PLSCR2: variants seen among roughly 807,000 people sequenced by gnomAD.
PLSCR2 encodes PL scramblase 2.
A neutral mutation model predicts 25.3 loss-of-function variants in PLSCR2; 18 were observed. The ratio of observed to expected loss-of-function variants is 0.71; its 90% CI spans 0.49 to 1.06. The LOEUF is 1.06. PLSCR2 is among the 50% of genes least tolerant of loss of function. The probability of loss-of-function intolerance (pLI) is 0.00; values close to 1 mark genes in which losing one functional copy is unlikely to be tolerated. For synonymous variants in PLSCR2, 88 were observed against 87.3 expected (o/e 1.01, Z -0.04); for missense variants, 243 against 269.5 (o/e 0.90, Z 0.69).
intron 1 of PLSCR2, among the ~76,000 whole-genome samples, chr3:146,468,399 C>T (rs1244128781): frequency 6.6e-6 from 1 of 152,168 alleles, no homozygotes; most frequent in Non-Finnish European, 1.5e-5. Context: ...GTGTCATAAG[C>T]GGGAAGAAAC....
chr3:146,426,741 C>T (rs997866270), intron 2 of PLSCR2, among the ~76,000 whole-genome samples: 10 of 152,024 alleles, frequency 6.6e-5, no homozygotes, highest in Non-Finnish European at 1.2e-4. Context: ...AAGAACTAAC[C>T]TGAAATCTTT....
intron 2 of PLSCR2, among the ~76,000 whole-genome samples, chr3:146,427,802 A>G (rs943283975): frequency 2.0e-5 from 3 of 152,192 alleles, no homozygotes; most frequent in Non-Finnish European, 4.4e-5. Context: ...GTACTTAAGC[A>G]CCTTGAGGAT....
intron 1 of PLSCR2, among the ~76,000 whole-genome samples, chr3:146,482,084 G>A (rs564981980): frequency 2.8e-4 from 42 of 152,220 alleles, no homozygotes; most frequent in Non-Finnish European, 4.4e-4. Flanking sequence ...ATTCAAGATG[G>A]AATAATGACT....
At chr3:146,494,310 C>T (rs897275724) in intron 1 of PLSCR2, among the ~76,000 whole-genome samples, 1 of 151,996 alleles carries the variant, frequency 6.6e-6, no homozygotes, top group Non-Finnish European at 1.5e-5. Context: ...ATGGTAAGTA[C>T]ATAAATATTT....
rs548173101 is a variant in PLSCR2 at position 146,435,351 on chromosome 3, T to A, written c.*35-1834A>T. Among the ~76,000 whole-genome samples, 11 of 152,320 alleles carry A rather than the reference T, an allele frequency of 7.2e-5. No individual in the cohort carries two copies. The East Asian group carries it at 9.6e-4, about 13-fold the overall frequency. ...AGATCCTTGAGGAATTGCCACACTGTCTTCCACAATGGTTGAACTAGTTTA... is the reference window on the plus strand; with the variant it reads ...AGATCCTTGAGGAATTGCCACACTGACTTCCACAATGGTTGAACTAGTTTA... On this transcript the variant is annotated intron_variant, in intron 8 of 8. Transcript: ENST00000336685.
chr3:146,483,966 A>G (rs1021115826), intron 1 of PLSCR2, among the ~76,000 whole-genome samples: 3 of 152,022 alleles, frequency 2.0e-5, no homozygotes, highest in African/African-American at 7.2e-5. Flanking sequence ...AGTAGGCTTC[A>G]GAAGATGGGT....
At chr3:146,467,061 C>T (rs1424310514) in intron 1 of PLSCR2, among the ~76,000 whole-genome samples, 1 of 152,120 alleles carries the variant, frequency 6.6e-6, no homozygotes, top group African/African-American at 2.4e-5. Flanking sequence ...AACTAAAGTG[C>T]TTTGGCTTTT....
intron 2 of PLSCR2, among the ~76,000 whole-genome samples, chr3:146,409,808 A>T (rs2038786042): frequency 6.6e-6 from 1 of 152,154 alleles, no homozygotes; most frequent in African/African-American, 2.4e-5. Flanking sequence ...ACAGAATTTG[A>T]GCAGAGATAT....
At chr3:146,469,976 C>G (rs2042053898) in intron 1 of PLSCR2, among the ~76,000 whole-genome samples, 2 of 152,174 alleles carry the variant, frequency 1.3e-5, no homozygotes, top group South Asian at 4.1e-4. Context: ...ACCCCGGGAA[C>G]TTCCTTAACT....
At chr3:146,454,063 T>G in exon 5 of PLSCR2, 1 of 1,610,452 alleles carries the variant, frequency 6.2e-7, no homozygotes, top group Non-Finnish European at 8.5e-7. Flanking sequence ...TTTTAGTACA[T>G]CCTCTCTTTT....
In PLSCR2 at chr3:146,404,824, G is replaced by C. The variant is rs531057062; in HGVS notation, c.101-8903C>G. On this transcript the variant is annotated intron_variant and NMD_transcript_variant, in intron 2 of 3. Transcript: ENST00000463633. ...AAGAAATAGGCAAAAAAAAAAAAGG[G>C]GGGGGGTGGTGGTTAACTGGTCCCA... is the stretch of plus-strand genomic sequence containing the variant. Among the ~76,000 whole-genome samples the C allele has an allele frequency of 1.6e-3, 242 of 148,968 alleles. 5 individuals carry two copies. The highest frequency in any genetic ancestry group is 0.01 in the Admixed American group (157 of 15,002).
At chr3:146,482,521 A>G (rs2043167239) in intron 1 of PLSCR2, among the ~76,000 whole-genome samples, 1 of 152,206 alleles carries the variant, frequency 6.6e-6, no homozygotes, top group Admixed American at 6.5e-5. Flanking sequence ...CAAAACCACA[A>G]TGAGATACAA....
intron 6 of PLSCR2, among the ~76,000 whole-genome samples, chr3:146,444,424 C>T (rs1050790456): frequency 1.3e-5 from 2 of 150,708 alleles, no homozygotes; most frequent in Admixed American, 6.6e-5. Flanking sequence ...ATAATATTTG[C>T]TTTCTATATC....
intron 1 of PLSCR2, among the ~76,000 whole-genome samples, chr3:146,493,177 C>A (rs759558161): frequency 1.3e-5 from 2 of 151,992 alleles, no homozygotes; most frequent in African/African-American, 2.4e-5. Context: ...AACCTACCAA[C>A]AAGAAAAAGC....
intron 1 of PLSCR2, among the ~76,000 whole-genome samples, chr3:146,478,843 A>G (rs1031231807): frequency 1.4e-4 from 21 of 152,336 alleles, no homozygotes; most frequent in South Asian, 6.2e-4. Flanking sequence ...GCAGCCAGAG[A>G]CAAAGGTCGG....
At chr3:146,397,151 G>GGGATAA (rs1308932472) in intron 2 of PLSCR2, among the ~76,000 whole-genome samples, 1 of 151,924 alleles carries the variant, frequency 6.6e-6, no homozygotes, top group African/African-American at 2.4e-5. Flanking sequence ...TACAATCAAA[G>GGGATAA]GGATAACGAC....
At chr3:146,416,230 G>A (rs1242973016) in intron 2 of PLSCR2, among the ~76,000 whole-genome samples, 1 of 152,100 alleles carries the variant, frequency 6.6e-6, no homozygotes. Context: ...GATTACAGGC[G>A]TGAGCCACTG....
At chr3:146,426,262 C>T (rs990118532) in intron 2 of PLSCR2, among the ~76,000 whole-genome samples, 1 of 140,146 alleles carries the variant, frequency 7.1e-6, no homozygotes, top group South Asian at 2.4e-4. Flanking sequence ...TCCCTCCTTC[C>T]TTCCTTCCTT....
chr3:146,400,825 T>C lies in PLSCR2; in HGVS notation c.101-4904A>G, dbSNP rs568217788. Among the ~76,000 whole-genome samples, 4 of 151,944 alleles carry C rather than the reference T, an allele frequency of 2.6e-5. No homozygotes were observed. In the East Asian group the frequency reaches 7.7e-4, roughly 29 times the overall value. On this transcript the variant is annotated intron_variant and NMD_transcript_variant, in intron 2 of 3. Transcript: ENST00000463633. ...GTATGTATATACATAGGTAGAACGA[T>C]GGAAGAGAGTAGACTCTAGAAATAT...
Sources: allele counts gnomAD v4.1 joint callset (sites outside exome capture counted in the v4.1 genomes callset), GRCh38; gene constraint gnomAD v4.1.1; transcripts MANE v1.5; gene names NCBI Gene and HGNC (gene_info 2026-07-23, HGNC 2026-07-21).